SLC39A11: variants seen among roughly 807,000 people sequenced by gnomAD.
The protein encoded by SLC39A11 is zinc transporter ZIP11.
In SLC39A11, 33 loss-of-function variants were observed where a neutral mutation model predicts 36.1. That is an observed-to-expected ratio of 0.91 (90% CI 0.69 to 1.22). The LOEUF (loss-of-function observed/expected upper bound fraction) is 1.22. Among genes scored for constraint, SLC39A11 ranks in the 50% most tolerant of loss-of-function variants. The pLI is 0.00. For synonymous variants in SLC39A11, 166 were observed against 170.3 expected (o/e 0.97, Z 0.20); for missense variants, 432 against 430.3 (o/e 1.00, Z -0.03).
In SLC39A11 at chr17:73,084,863, G is replaced by C; in HGVS notation, c.109-17C>G. ...GATCCGCCTCTGAAAATCAAAACAAGATGTTTCAGTTTCCAAGAGACAATA... is the reference window on the plus strand; with the variant it reads ...GATCCGCCTCTGAAAATCAAAACAACATGTTTCAGTTTCCAAGAGACAATA... On this transcript the variant is annotated splice_polypyrimidine_tract_variant and intron_variant, in intron 2 of 9. Coordinates refer to ENST00000255559, the MANE Select transcript of SLC39A11 (RefSeq NM_139177.4). The C allele has an allele frequency of 6.2e-7, 1 of 1,613,860 alleles. No individual in the cohort carries two copies. Among genetic ancestry groups the C allele is most frequent in the South Asian group, 1.1e-5 (1 of 91,072 alleles).
chr17:72,982,021 T>C lies in SLC39A11; in HGVS notation c.307-34146A>G, dbSNP rs568390742. On this transcript the variant is annotated intron_variant, in intron 4 of 9. Transcript: ENST00000255559. ...CACTTGGGAGGCCAAGGCAAGAGGA[T>C]TGCTTGAGGCCAGGAGTTTGAGACC... Among the ~76,000 whole-genome samples, 14 of 152,062 alleles carry C rather than the reference T, an allele frequency of 9.2e-5. No individual in the cohort carries two copies. The East Asian group carries it at 2.3e-3, about 25-fold the overall frequency.
intron 6 of SLC39A11, among the ~76,000 whole-genome samples, chr17:72,796,648 T>A (rs2076904334): frequency 6.6e-6 from 1 of 152,098 alleles, no homozygotes; most frequent in Non-Finnish European, 1.5e-5. Flanking sequence ...ACCTAGGCCC[T>A]GGAGGGGGCA....
chr17:72,865,230 G>A (rs1385183814), intron 5 of SLC39A11, among the ~76,000 whole-genome samples: 5 of 152,064 alleles, frequency 3.3e-5, no homozygotes, highest in African/African-American at 1.2e-4. Context: ...TGTCCACATG[G>A]AGGTAAAGGG....
At chr17:72,869,125 G>C (rs2080470183) in intron 5 of SLC39A11, among the ~76,000 whole-genome samples, 1 of 152,196 alleles carries the variant, frequency 6.6e-6, no homozygotes, top group African/African-American at 2.4e-5. Context: ...ATAAGGCTCA[G>C]GCATGAGCCT....
intron 5 of SLC39A11, among the ~76,000 whole-genome samples, chr17:72,943,166 C>G (rs995833279): frequency 1.3e-5 from 2 of 152,140 alleles, no homozygotes; most frequent in Non-Finnish European, 2.9e-5. Flanking sequence ...CCATCGTGTT[C>G]CCGAACAGGA....
intron 6 of SLC39A11, among the ~76,000 whole-genome samples, chr17:72,767,194 T>TA (rs1329038566): frequency 1.3e-5 from 2 of 152,266 alleles, no homozygotes; most frequent in African/African-American, 4.8e-5. Context: ...CTTTAACTCT[T>TA]ACAACTAGTC....
chr17:72,945,746 C>G (rs1010676517), intron 5 of SLC39A11, among the ~76,000 whole-genome samples: 1 of 152,204 alleles, frequency 6.6e-6, no homozygotes, highest in African/African-American at 2.4e-5. Flanking sequence ...TCCGCTACCA[C>G]TTAACTCTGG....
chr17:72,803,255 G>T (rs563056323), intron 6 of SLC39A11, among the ~76,000 whole-genome samples: 6 of 152,248 alleles, frequency 3.9e-5, no homozygotes, highest in African/African-American at 1.2e-4. Flanking sequence ...CTTACTGACT[G>T]CTGGGCCCGT....
chr17:72,736,691 C>T lies in SLC39A11; in HGVS notation c.630G>A (p.Gly210=), dbSNP rs780684054. The T allele has an allele frequency of 1.2e-6, 2 of 1,614,014 alleles. No homozygotes were observed. Among genetic ancestry groups the T allele is most frequent in the Non-Finnish European group, 1.7e-6 (2 of 1,179,956 alleles). ...PEGLAVGVGF[G]AIEKTASATF... ...TAGCAGATGCCGTCTTTTCTATAGC[C>T]CCAAATCCAACTCCAACAGCGAGAC... The change falls in exon 7 of 10, where the codon GGG becomes GGA. Residue 210 remains glycine, a synonymous_variant. Coordinates refer to ENST00000255559, the MANE Select transcript of SLC39A11 (RefSeq NM_139177.4).
chr17:72,800,163 G>A (rs182209930), intron 6 of SLC39A11, among the ~76,000 whole-genome samples: 1 of 152,278 alleles, frequency 6.6e-6, no homozygotes, highest in Admixed American at 6.5e-5. Context: ...AGAGGCAGGA[G>A]TGAGAGGACC....
intron 6 of SLC39A11, among the ~76,000 whole-genome samples, chr17:72,797,078 T>G (rs2076920914): frequency 6.6e-6 from 1 of 152,126 alleles, no homozygotes; most frequent in Non-Finnish European, 1.5e-5. Flanking sequence ...AAAGTGCCTG[T>G]GTGTGAGGAG....
chr17:72,978,535 C>T (rs906534204), intron 4 of SLC39A11, among the ~76,000 whole-genome samples: 8 of 152,094 alleles, frequency 5.3e-5, no homozygotes, highest in Non-Finnish European at 7.3e-5. Context: ...GAGGCAGCCA[C>T]GCACAGAGCT....
intron 3 of SLC39A11, chr17:73,067,931 G>A (rs1438314225): frequency 6.2e-7 from 1 of 1,604,320 alleles, no homozygotes; most frequent in Non-Finnish European, 8.5e-7. Flanking sequence ...AAAACACTCA[G>A]AGAGAGTTCC....
rs140241398 is a variant in SLC39A11 at position 73,038,942 on chromosome 17, C to T, written c.148-7228G>A. ...AGCTCAATCTGTGACAACACCAAAA[C>T]GCCAAGACCCATCTCCCATGCCCCT... is the stretch of plus-strand genomic sequence containing the variant. On this transcript the variant is annotated intron_variant, in intron 3 of 9. Transcript: ENST00000255559. 1.1e-3 allele frequency among the ~76,000 whole-genome samples: 175 copies of T among 152,180 alleles called. No individual in the cohort carries two copies. The East Asian group carries it at 0.018, about 16-fold the overall frequency.
rs199973397 is a variant in SLC39A11 at position 72,649,231 on chromosome 17, C to T, written c.709G>A (p.Glu237Lys). The change falls in exon 8 of 10, where the codon GAG (glutamate) becomes AAG (lysine). Residue 237 changes from glutamate (E) to lysine (K), a missense_variant. Coordinates refer to ENST00000255559, the MANE Select transcript of SLC39A11 (RefSeq NM_139177.4). The part of the protein sequence containing the change: ...AIGIGIQNFP[E>K]GLAVSLPLRG... ...AAGGGAAGGCTGACAGCCAGGCCCT[C>T]GGGGAAATTCTGGATCCCGATTCCA... 1.2e-5 allele frequency: 20 copies of T among 1,614,184 alleles called. No individual in the cohort carries two copies. Among genetic ancestry groups the T allele is most frequent in the East Asian group, 2.2e-5 (1 of 44,886 alleles).
At chr17:72,735,161 T>C (rs2074371920) in intron 7 of SLC39A11, among the ~76,000 whole-genome samples, 1 of 152,160 alleles carries the variant, frequency 6.6e-6, no homozygotes, top group South Asian at 2.1e-4. Context: ...AAGTTGAGAA[T>C]AAGAAAAGTT....
chr17:72,978,070 G>C (rs1457782796), intron 4 of SLC39A11, among the ~76,000 whole-genome samples: 1 of 152,238 alleles, frequency 6.6e-6, no homozygotes, highest in Non-Finnish European at 1.5e-5. Flanking sequence ...GAATCTTCCA[G>C]GCCGTCCTCC....
intron 7 of SLC39A11, among the ~76,000 whole-genome samples, chr17:72,694,853 T>C (rs1166333890): frequency 6.6e-6 from 1 of 152,226 alleles, no homozygotes; most frequent in Non-Finnish European, 1.5e-5. Context: ...GAACTGGAGA[T>C]GCTGGTGGCC....
intron 3 of SLC39A11, among the ~76,000 whole-genome samples, chr17:73,077,817 T>C (rs574515696): frequency 3.7e-4 from 56 of 152,356 alleles, no homozygotes; most frequent in African/African-American, 1.3e-3. Context: ...CATGTTTTCA[T>C]GCTCCCAAAT....
Sources: allele counts gnomAD v4.1 joint callset (sites outside exome capture counted in the v4.1 genomes callset), GRCh38; gene constraint gnomAD v4.1.1; transcripts MANE v1.5; gene names NCBI Gene and HGNC (gene_info 2026-07-23, HGNC 2026-07-21).